The following FUBP3 variants were observed in gnomAD, a reference collection of about 807,000 sequenced individuals.
FUBP3 encodes the protein far upstream element-binding protein 3.
A neutral mutation model predicts 85.6 loss-of-function variants in FUBP3; 28 were observed. That is an observed-to-expected ratio of 0.33 (90% confidence interval 0.24 to 0.45). The LOEUF (loss-of-function observed/expected upper bound fraction) is 0.45. Among genes scored for constraint, FUBP3 ranks in the 20% least tolerant of loss-of-function variants. The pLI is 1.00. For missense variants in FUBP3, 583 were observed against 755.1 expected (o/e 0.77, Z 2.67); for synonymous variants, 271 against 271.4 (o/e 1.00, Z 0.01).
At chr9:130,579,794 G>T (rs942617192) in intron 1 of FUBP3, 30 bp downstream of exon 1, 3 of 1,234,786 alleles carry the variant, frequency 2.4e-6, no homozygotes, top group South Asian at 3.9e-5. Flanking sequence ...GCAGGAGCAC[G>T]AGATCCCGAG....
At chr9:130,603,961 T>C (rs1831294886) in intron 2 of FUBP3, among the ~76,000 whole-genome samples, 1 of 152,120 alleles carries the variant, frequency 6.6e-6, no homozygotes, top group South Asian at 2.1e-4. Flanking sequence ...GCTTTATTCA[T>C]AATAGTCCCA....
chr9:130,579,848 C>A, intron 1 of FUBP3, 84 bp downstream of exon 1: 1 of 790,348 alleles, frequency 1.3e-6, no homozygotes, highest in Non-Finnish European at 1.7e-6. Context: ...GCCTGGGGGG[C>A]GGGAGGCAGC....
chr9:130,624,983 G>A (rs1407280247), intron 11 of FUBP3, among the ~76,000 whole-genome samples: 1 of 152,238 alleles, frequency 6.6e-6, no homozygotes, highest in South Asian at 2.1e-4. Context: ...ACTTTGGGAT[G>A]CCAAGGCAGG....
intron 6 of FUBP3, 50 bp downstream of exon 6, chr9:130,614,395 A>C: frequency 2.7e-6 from 3 of 1,124,574 alleles, no homozygotes; most frequent in Non-Finnish European, 4.0e-6. Context: ...CTCCTTCCCC[A>C]AATGGGGAGA....
intron 12 of FUBP3, among the ~76,000 whole-genome samples, chr9:130,629,603 C>G (rs1391823017): frequency 6.6e-6 from 1 of 152,028 alleles, no homozygotes; most frequent in Non-Finnish European, 1.5e-5. Flanking sequence ...TAGAGAGAAG[C>G]TTGGAGTGTT....
chr9:130,630,110 A>C (rs139488986), intron 12 of FUBP3, among the ~76,000 whole-genome samples: 2 of 152,184 alleles, frequency 1.3e-5, no homozygotes, highest in Non-Finnish European at 2.9e-5. Flanking sequence ...TGGGATACTG[A>C]AGGCCCGAGT....
At chr9:130,631,696 C>T in intron 14 of FUBP3, 66 bp downstream of exon 14, 2 of 1,316,804 alleles carry the variant, frequency 1.5e-6, no homozygotes, top group Non-Finnish European at 1.1e-6. Context: ...CCTGTCGTTT[C>T]CAGCTACTTC....
intron 2 of FUBP3, among the ~76,000 whole-genome samples, chr9:130,597,360 A>G (rs7026553): frequency 0.07 from 10,667 of 152,260 alleles, 476 homozygotes; most frequent in African/African-American, 0.13. Flanking sequence ...TAGAAAGTTC[A>G]TGTTGCTAAA....
chr9:130,620,767 A>C (rs1386295131), intron 9 of FUBP3, among the ~76,000 whole-genome samples: 1 of 152,214 alleles, frequency 6.6e-6, no homozygotes, highest in Non-Finnish European at 1.5e-5. Context: ...TGATTCTGTC[A>C]AACTCAGCAG....
chr9:130,610,234 G>A (rs1341461648), intron 3 of FUBP3, among the ~76,000 whole-genome samples: 1 of 152,234 alleles, frequency 6.6e-6, no homozygotes, highest in African/African-American at 2.4e-5. Context: ...GATTGGAGTT[G>A]CTCTTTCTAC....
intron 11 of FUBP3, 199 bp from the exon 12 acceptor site, chr9:130,626,165 C>T: frequency 1.7e-6 from 1 of 576,882 alleles, no homozygotes; most frequent in Non-Finnish European, 3.1e-6. Flanking sequence ...TTCGTCTGCA[C>T]AGGTCCTCCC....
chr9:130,636,090 C>CGGACAGACGTTA lies in FUBP3; in HGVS notation c.1677_1688dup (p.Thr561_Gln564dup), dbSNP rs1406450522. 1.2e-6 allele frequency: 2 copies of CGGACAGACGTTA among 1,613,544 alleles called. No individual in the cohort carries two copies. Among genetic ancestry groups the CGGACAGACGTTA allele is most frequent in the Non-Finnish European group, 1.7e-6 (2 of 1,179,802 alleles). The stretch of plus-strand genomic sequence containing the variant: ...ATTACAGACAGCAGGTCGCTTTCTA[C>CGGACAGACGTTA]GGACAGACGTTAGGGCAGGCGCAGG... On this transcript the variant is annotated inframe_insertion, in exon 18 of 19. Transcript: ENST00000319725.
intron 1 of FUBP3, among the ~76,000 whole-genome samples, chr9:130,590,172 AC>A (rs1830563187): frequency 6.6e-6 from 1 of 152,008 alleles, no homozygotes; most frequent in Non-Finnish European, 1.5e-5. Context: ...AATTGTGAGA[AC>A]AATGGAACTT....
At chr9:130,589,705 A>ATATATAT (rs1414691549) in intron 1 of FUBP3, among the ~76,000 whole-genome samples, 22 of 73,804 alleles carry the variant, frequency 3.0e-4, no homozygotes, top group Non-Finnish European at 4.6e-4. Flanking sequence ...ATATATATAT[A>ATATATAT]TTTTTTTTTT....
chr9:130,622,933 C>T (rs1829818511), intron 10 of FUBP3, 123 bp downstream of exon 10: 2 of 464,818 alleles, frequency 4.3e-6, no homozygotes, highest in Non-Finnish European at 7.6e-6. Flanking sequence ...ATTCACCTTT[C>T]TCATCCTTGC....
chr9:130,619,280 TA>T (rs1373913235), intron 8 of FUBP3, among the ~76,000 whole-genome samples: 8 of 151,734 alleles, frequency 5.3e-5, no homozygotes, highest in African/African-American at 1.9e-4. Flanking sequence ...TAGTGATTTT[TA>T]AATTTTAAAA....
chr9:130,630,098 G>T (rs1005581318), intron 12 of FUBP3, among the ~76,000 whole-genome samples: 5 of 152,204 alleles, frequency 3.3e-5, no homozygotes, highest in Admixed American at 2.0e-4. Flanking sequence ...GAAGTGACAG[G>T]GTGGGATACT....
At chr9:130,590,165 T>C (rs766549111) in intron 1 of FUBP3, among the ~76,000 whole-genome samples, 12 of 151,418 alleles carry the variant, frequency 7.9e-5, no homozygotes, top group Admixed American at 1.3e-4. Flanking sequence ...AGAAGGTAAT[T>C]GTGAGAACAA....
chr9:130,583,986 C>T (rs1830238489), intron 1 of FUBP3, among the ~76,000 whole-genome samples: 1 of 152,098 alleles, frequency 6.6e-6, no homozygotes, highest in Non-Finnish European at 1.5e-5. Flanking sequence ...ATCCTCCCAC[C>T]TCAGTCTTTC....
Sources: gnomAD v4.1 joint callset for allele counts (sites outside exome capture counted in the v4.1 genomes callset) on GRCh38, gnomAD v4.1.1 for gene constraint, MANE v1.5 for transcripts, NCBI Gene and HGNC (gene_info 2026-07-23, HGNC 2026-07-21) for gene names.